EYS: variants seen among roughly 807,000 people sequenced by gnomAD.
EYS encodes the protein EGF-like photoreceptor maintenance factor, also known as protein eyes shut homolog.
Under a neutral mutation model 282.1 loss-of-function variants are expected in EYS, and 250 were observed. The ratio of observed to expected loss-of-function variants is 0.89; its 90% CI spans 0.80 to 0.98. The LOEUF (loss-of-function observed/expected upper bound fraction) is 0.98. EYS is among the 50% of genes least tolerant of loss of function. The pLI is 0.00. For missense variants in EYS, 4,016 were observed against 3,709.0 expected (o/e 1.08, Z -2.15); for synonymous variants, 1,355 against 1,282.9 (o/e 1.06, Z -1.20).
intron 5 of EYS, among the ~76,000 whole-genome samples, chr6:65,451,233 G>T (rs1470594639): frequency 2.0e-5 from 3 of 152,022 alleles, no homozygotes; most frequent in Non-Finnish European, 1.5e-5. Context: ...GTGGCACAAA[G>T]TAGAGAAAGA....
intron 2 of EYS, among the ~76,000 whole-genome samples, chr6:65,541,478 C>A (rs1302953202): frequency 6.6e-6 from 1 of 152,102 alleles, no homozygotes; most frequent in Non-Finnish European, 1.5e-5. Context: ...AATTCTGAAT[C>A]TCTTGTGTTT....
At chr6:63,997,404 G>A (rs1267652378) in intron 34 of EYS, among the ~76,000 whole-genome samples, 1 of 152,202 alleles carries the variant, frequency 6.6e-6, no homozygotes, top group Non-Finnish European at 1.5e-5. Context: ...ACCAAATTGA[G>A]CTTTGGGGTT....
intron 41 of EYS, among the ~76,000 whole-genome samples, chr6:63,738,866 C>G (rs906756470): frequency 6.6e-6 from 1 of 152,132 alleles, no homozygotes; most frequent in Admixed American, 6.5e-5. Flanking sequence ...CAACTAATCT[C>G]CACCCACTAG....
intron 30 of EYS, among the ~76,000 whole-genome samples, chr6:64,246,018 CAAAAAAAAAAAAAA>C (rs60121734): frequency 5.3e-5 from 3 of 56,200 alleles, no homozygotes; most frequent in Non-Finnish European, 8.5e-5. Context: ...AACTCCGTCT[CAAAAAAAAAAAAAA>C]AAAAAAAAAA....
At chr6:65,659,096 T>A (rs1401447264) in intron 1 of EYS, among the ~76,000 whole-genome samples, 3 of 151,650 alleles carry the variant, frequency 2.0e-5, no homozygotes, top group Non-Finnish European at 4.4e-5. Context: ...TTTATTTAAT[T>A]TATAGCCTTA....
At chr6:64,683,491 T>C (rs1223979879) in intron 22 of EYS, among the ~76,000 whole-genome samples, 5 of 152,154 alleles carry the variant, frequency 3.3e-5, no homozygotes, top group African/African-American at 1.2e-4. Flanking sequence ...TAATATTGGA[T>C]TAGAGAAGGC....
intron 26 of EYS, among the ~76,000 whole-genome samples, chr6:64,530,954 G>A (rs547051839): frequency 1.8e-4 from 27 of 151,988 alleles, no homozygotes; most frequent in Non-Finnish European, 2.9e-4. Flanking sequence ...CGCCACTTTC[G>A]GGTTCTTCTG....
chr6:64,662,450 C>G (rs2349509), intron 22 of EYS, among the ~76,000 whole-genome samples: 97,244 of 151,914 alleles, frequency 0.64, 31,349 homozygotes, highest in African/African-American at 0.71. Context: ...AGTAGAGATG[C>G]AAATACTTTC....
At chr6:64,417,433 C>G (rs1375917355) in intron 28 of EYS, among the ~76,000 whole-genome samples, 1 of 152,090 alleles carries the variant, frequency 6.6e-6, no homozygotes, top group Non-Finnish European at 1.5e-5. Context: ...TTTACTTCCT[C>G]TCTTAAAAAG....
intron 12 of EYS, among the ~76,000 whole-genome samples, chr6:65,072,083 C>T (rs182284087): frequency 3.2e-4 from 48 of 151,752 alleles, no homozygotes; most frequent in African/African-American, 8.7e-4. Context: ...TAGTAAGCTC[C>T]GAAGGATTTT....
chr6:65,273,171 G>T (rs944563934), intron 12 of EYS, among the ~76,000 whole-genome samples: 4 of 152,080 alleles, frequency 2.6e-5, no homozygotes, highest in African/African-American at 7.2e-5. Flanking sequence ...TATCTGAATG[G>T]TTTATTTCTG....
chr6:64,200,720 C>T (rs1012328441), intron 31 of EYS, among the ~76,000 whole-genome samples: 6 of 152,020 alleles, frequency 3.9e-5, no homozygotes, highest in African/African-American at 1.2e-4. Flanking sequence ...CTTCAGGGCT[C>T]TCAATTTGCA....
chr6:65,308,111 A>C (rs1400401440), intron 11 of EYS, among the ~76,000 whole-genome samples: 1 of 58,738 alleles, frequency 1.7e-5, no homozygotes, highest in Admixed American at 2.6e-4. Flanking sequence ...CAGTTGGGAC[A>C]GACTACAGGC....
chr6:65,244,661 CGCCA>C (rs1767135589), intron 12 of EYS, among the ~76,000 whole-genome samples: 1 of 150,370 alleles, frequency 6.7e-6, no homozygotes, highest in African/African-American at 2.5e-5. Context: ...TACAGGCGCC[CGCCA>C]GCCCTCCCGG....
chr6:64,027,965 G>A (rs1769614933), intron 33 of EYS, among the ~76,000 whole-genome samples: 5 of 152,162 alleles, frequency 3.3e-5, no homozygotes, highest in African/African-American at 1.2e-4. Context: ...TGTCCTCAAG[G>A]TCCATTACCA....
chr6:65,572,625 C>T (rs777618751), intron 2 of EYS, among the ~76,000 whole-genome samples: 17 of 152,148 alleles, frequency 1.1e-4, no homozygotes, highest in Non-Finnish European at 1.9e-4. Context: ...AGATGGTGAT[C>T]AGAGCAACAG....
intron 41 of EYS, among the ~76,000 whole-genome samples, chr6:63,738,125 T>G (rs1260033863): frequency 6.6e-6 from 1 of 152,146 alleles, no homozygotes; most frequent in Admixed American, 6.6e-5. Flanking sequence ...AGGAACACTT[T>G]TACACTGTTG....
intron 23 of EYS, among the ~76,000 whole-genome samples, chr6:64,618,107 A>G (rs1767332799): frequency 6.6e-6 from 1 of 152,196 alleles, no homozygotes; most frequent in Non-Finnish European, 1.5e-5. Flanking sequence ...CTCATTAAAC[A>G]TGACAATCTA....
chr6:64,654,710 T>C (rs1427428107), intron 22 of EYS, among the ~76,000 whole-genome samples: 2 of 152,218 alleles, frequency 1.3e-5, no homozygotes, highest in African/African-American at 4.8e-5. Context: ...AATCCTGATT[T>C]TTTAGAAATA....
Sources: gnomAD v4.1 joint callset for allele counts (sites outside exome capture counted in the v4.1 genomes callset) on GRCh38, gnomAD v4.1.1 for gene constraint, MANE v1.5 for transcripts, NCBI Gene and HGNC (gene_info 2026-07-23, HGNC 2026-07-21) for gene names.